Variants in FHIT observed in about 807,000 individuals in gnomAD.
FHIT encodes fragile histidine triad diadenosine triphosphatase.
Under a neutral mutation model 17.9 loss-of-function variants are expected in FHIT, and 19 were observed. The observed-to-expected ratio is 1.06, with a 90% CI of 0.74 to 1.56. The LOEUF (loss-of-function observed/expected upper bound fraction) is 1.56, where lower values mean the gene tolerates loss of function less well. Ranked by LOEUF, FHIT falls within the 40% of genes most tolerant of loss-of-function variation. The pLI, the probability that FHIT is intolerant of heterozygous loss-of-function variation, is 0.00. For synonymous variants in FHIT, 81 were observed against 69.7 expected, an observed-to-expected ratio of 1.16 and a Z score of -0.81; for missense variants, 248 against 189.2, an observed-to-expected ratio of 1.31 and a Z score of -1.82.
chr3:60,279,476 AT>A lies in FHIT; in HGVS notation c.103+257383del, dbSNP rs544719946. 1.5e-3 allele frequency among the ~76,000 whole-genome samples: 234 copies of A among 152,306 alleles called. 2 individuals are homozygous for A. Among genetic ancestry groups the A allele is most frequent in the Non-Finnish European group, 1.0e-3 (68 of 68,032 alleles). ...CAATTTAACTGATGAATTCTATCAAATATTTAAGCACAAAATGATAGCAATT... is the reference window on the plus strand; with the variant it reads ...CAATTTAACTGATGAATTCTATCAAAATTTAAGCACAAAATGATAGCAATT... On this transcript the variant is annotated intron_variant, in intron 5 of 9. Coordinates refer to ENST00000492590, the MANE Select transcript of FHIT (RefSeq NM_002012.4).
intron 4 of FHIT, among the ~76,000 whole-genome samples, chr3:60,738,381 T>G (rs2108003473): frequency 6.6e-6 from 1 of 152,280 alleles, no homozygotes; most frequent in South Asian, 2.1e-4. Context: ...GGTCCCTGCC[T>G]CAGCAGAATG....
At chr3:60,362,748 A>G (rs1333947092) in intron 5 of FHIT, among the ~76,000 whole-genome samples, 2 of 152,226 alleles carry the variant, frequency 1.3e-5, no homozygotes, top group African/African-American at 2.4e-5. Flanking sequence ...CTTCATCAAT[A>G]AAACGTGGAT....
intron 2 of FHIT, among the ~76,000 whole-genome samples, chr3:61,059,058 C>CTA (rs2034330393): frequency 6.6e-6 from 1 of 152,194 alleles, no homozygotes; most frequent in Non-Finnish European, 1.5e-5. Context: ...TCCAGGTTCC[C>CTA]CAATGTCTGG....
At chr3:60,859,622 T>C (rs1703539036) in intron 3 of FHIT, among the ~76,000 whole-genome samples, 1 of 151,536 alleles carries the variant, frequency 6.6e-6, no homozygotes, top group South Asian at 2.1e-4. Context: ...GGCTACTTGT[T>C]AAAGAATTTA....
At chr3:61,066,147 A>T (rs2034601715) in intron 2 of FHIT, among the ~76,000 whole-genome samples, 1 of 152,192 alleles carries the variant, frequency 6.6e-6, no homozygotes. Context: ...CCACTCTTGC[A>T]ATAGTGAACC....
Position 60,580,590 on chromosome 3 carries a change from T to C in FHIT, c.-17-43611A>G, listed in dbSNP as rs78326174. On this transcript the variant is annotated intron_variant, in intron 4 of 9. Coordinates refer to ENST00000492590, the MANE Select transcript of FHIT (RefSeq NM_002012.4). ...TTGTAGCACAAAGCCAGCTATACAA[T>C]AGTTGTGTGCTGCTGAATGGAATTT... Among the ~76,000 whole-genome samples, 458 of 152,214 alleles carry C rather than the reference T, an allele frequency of 3.0e-3. 5 individuals carry two copies. The highest frequency in any genetic ancestry group is 0.011 in the African/African-American group (441 of 41,562).
chr3:59,893,164 T>C (rs772792121), intron 8 of FHIT, among the ~76,000 whole-genome samples: 1 of 152,226 alleles, frequency 6.6e-6, no homozygotes, highest in Non-Finnish European at 1.5e-5. Flanking sequence ...CTTGTTTTAT[T>C]TGATGCTTAT....
chr3:60,687,821 T>A (rs1469252373), intron 4 of FHIT, among the ~76,000 whole-genome samples: 1 of 152,178 alleles, frequency 6.6e-6, no homozygotes, highest in Non-Finnish European at 1.5e-5. Context: ...TTGTTTCATG[T>A]ATTTTGAGGC....
intron 3 of FHIT, among the ~76,000 whole-genome samples, chr3:61,028,891 A>G (rs1259441388): frequency 2.0e-5 from 3 of 148,364 alleles, no homozygotes; most frequent in African/African-American, 5.0e-5. Flanking sequence ...CCCACCAACA[A>G]AAAAAAAAAG....
intron 3 of FHIT, among the ~76,000 whole-genome samples, chr3:60,986,420 C>T (rs373567879): frequency 9.8e-5 from 15 of 152,290 alleles, no homozygotes; most frequent in East Asian, 5.8e-4. Flanking sequence ...CTGGTAAATA[C>T]ATCTTTCAGT....
At chr3:60,298,268 G>C (rs1012719641) in intron 5 of FHIT, among the ~76,000 whole-genome samples, 1 of 152,000 alleles carries the variant, frequency 6.6e-6, no homozygotes, top group Non-Finnish European at 1.5e-5. Context: ...CCCCTCCCTA[G>C]AGTCAGGAGA....
chr3:60,058,074 G>T (rs1415426145), intron 5 of FHIT, among the ~76,000 whole-genome samples: 1 of 151,656 alleles, frequency 6.6e-6, no homozygotes, highest in African/African-American at 2.4e-5. Flanking sequence ...GGGGCTGGGG[G>T]AGGGAGAAAG....
chr3:60,856,121 A>C (rs1553749895), intron 3 of FHIT, among the ~76,000 whole-genome samples: 1 of 152,190 alleles, frequency 6.6e-6, no homozygotes, highest in Admixed American at 6.6e-5. Context: ...GAGAGGCAGA[A>C]GACTGTGATG....
Position 60,373,030 on chromosome 3 carries a change from A to C in FHIT, c.103+163830T>G, listed in dbSNP as rs528454183. 5.3e-5 allele frequency among the ~76,000 whole-genome samples: 8 copies of C among 151,944 alleles called. 1 individual carries two copies. The highest frequency in any genetic ancestry group is 2.1e-4 in the South Asian group (1 of 4,826). ...AAATAATTGGATTAAAATCATATGA[A>C]ATTTATTTATTTATTCAACAAATAT... On this transcript the variant is annotated intron_variant, in intron 5 of 9. Coordinates refer to ENST00000492590, the MANE Select transcript of FHIT (RefSeq NM_002012.4).
intron 5 of FHIT, among the ~76,000 whole-genome samples, chr3:60,256,105 T>G (rs761019041): frequency 6.6e-6 from 1 of 152,200 alleles, no homozygotes; most frequent in Non-Finnish European, 1.5e-5. Context: ...CCTCCATTGA[T>G]CTTACCAGTG....
At chr3:60,349,043 C>G (rs948866576) in intron 5 of FHIT, among the ~76,000 whole-genome samples, 4 of 152,128 alleles carry the variant, frequency 2.6e-5, no homozygotes, top group African/African-American at 9.7e-5. Flanking sequence ...TACTTGACAT[C>G]CAACAGATTC....
At chr3:60,131,388 C>T (rs183919714) in intron 5 of FHIT, among the ~76,000 whole-genome samples, 5 of 152,098 alleles carry the variant, frequency 3.3e-5, no homozygotes, top group African/African-American at 9.6e-5. Context: ...AATTCACACA[C>T]GCAGAGCCCA....
chr3:60,186,220 C>T (rs1702150845), intron 5 of FHIT, among the ~76,000 whole-genome samples: 1 of 152,074 alleles, frequency 6.6e-6, no homozygotes, highest in Admixed American at 6.6e-5. Flanking sequence ...TTACCAAATA[C>T]AAGATCCCAG....
chr3:61,170,901 T>C (rs923974642), intron 2 of FHIT, among the ~76,000 whole-genome samples: 9 of 152,152 alleles, frequency 5.9e-5, no homozygotes, highest in African/African-American at 1.9e-4. Flanking sequence ...GATTTTTCCA[T>C]AATCCCACTG....
Sources: gnomAD v4.1 joint callset for allele counts (sites outside exome capture counted in the v4.1 genomes callset) on GRCh38, gnomAD v4.1.1 for gene constraint, MANE v1.5 for transcripts, NCBI Gene and HGNC (gene_info 2026-07-23, HGNC 2026-07-21) for gene names.